COL25A1: variants seen among roughly 807,000 people sequenced by gnomAD.
COL25A1 encodes collagen alpha-1(XXV) chain.
Under a neutral mutation model 128.4 loss-of-function variants are expected in COL25A1, and 103 were observed. That is an observed-to-expected ratio of 0.80 (90% CI 0.68 to 0.94). The LOEUF (loss-of-function observed/expected upper bound fraction) is 0.94, where lower values mean the gene tolerates loss of function less well. COL25A1 is among the 40% of genes least tolerant of loss of function. COL25A1 has a pLI of 0.00. For missense variants in COL25A1, 745 were observed against 840.0 expected (o/e 0.89, Z 1.40); for synonymous variants, 279 against 277.2 (o/e 1.01, Z -0.06).
At chr4:109,245,369 T>C (rs1780189997) in intron 3 of COL25A1, among the ~76,000 whole-genome samples, 4 of 152,228 alleles carry the variant, frequency 2.6e-5, no homozygotes, top group Middle Eastern at 3.4e-3. Context: ...GAAGTTTATT[T>C]TGGAAGTCAA....
In COL25A1 at chr4:108,841,607, A is replaced by G. The variant is rs957324889; in HGVS notation, c.1656+88T>C. The G allele has an allele frequency of 5.6e-6, 6 of 1,078,394 alleles. No individual in the cohort carries two copies. In the Admixed American group the frequency reaches 1.2e-4, roughly 21 times the overall value. 66.8% of individuals were successfully genotyped at this position (1,078,394 alleles called of 1,614,324 possible). The stretch of plus-strand genomic sequence containing the variant: ...ATTATCAACATTACTTGACAAATAA[A>G]TAAGATAGGACAGACATGCTTCTGT... On this transcript the variant is annotated intron_variant, in intron 31 of 37. Transcript: ENST00000399132.
At chr4:109,054,937 G>A (rs1465906808) in intron 3 of COL25A1, among the ~76,000 whole-genome samples, 2 of 152,304 alleles carry the variant, frequency 1.3e-5, no homozygotes, top group Non-Finnish European at 2.9e-5. Context: ...TTGGGAGGGA[G>A]GAACCTGTCT....
intron 3 of COL25A1, among the ~76,000 whole-genome samples, chr4:109,188,632 G>A (rs1344898428): frequency 2.0e-5 from 3 of 152,162 alleles, no homozygotes; most frequent in Non-Finnish European, 4.4e-5. Context: ...GGGGACAACG[G>A]CAAGCCACTG....
chr4:108,831,513 C>T (rs1343759790), intron 32 of COL25A1, among the ~76,000 whole-genome samples: 1 of 152,164 alleles, frequency 6.6e-6, no homozygotes, highest in African/African-American at 2.4e-5. Flanking sequence ...CAAACTTGCA[C>T]AGTGAATCAT....
At chr4:108,915,702 C>T (rs754760197) in intron 13 of COL25A1, among the ~76,000 whole-genome samples, 3 of 152,062 alleles carry the variant, frequency 2.0e-5, no homozygotes, top group South Asian at 2.1e-4. Flanking sequence ...ATATTATTTG[C>T]CATATTTCTG....
chr4:109,163,102 TC>T (rs1772737772), intron 3 of COL25A1, among the ~76,000 whole-genome samples: 2 of 152,132 alleles, frequency 1.3e-5, no homozygotes, highest in South Asian at 4.1e-4. Context: ...TTGCTCCGTT[TC>T]CCCCTCACTT....
chr4:109,259,295 T>A (rs1415173512), intron 3 of COL25A1, among the ~76,000 whole-genome samples: 1 of 152,230 alleles, frequency 6.6e-6, no homozygotes, highest in Non-Finnish European at 1.5e-5. Context: ...AGATACTAAA[T>A]CCCATTTTTA....
intron 32 of COL25A1, among the ~76,000 whole-genome samples, chr4:108,831,154 G>A (rs767928603): frequency 2.3e-4 from 35 of 151,428 alleles, no homozygotes; most frequent in Admixed American, 1.7e-3. Context: ...AGGTCAGGAA[G>A]AATAGCTGTT....
intron 20 of COL25A1, among the ~76,000 whole-genome samples, chr4:108,864,243 C>G (rs1055152297): frequency 6.6e-6 from 1 of 152,182 alleles, no homozygotes; most frequent in African/African-American, 2.4e-5. Context: ...TAAAGGCCAT[C>G]ATTATACCTC....
chr4:109,020,696 A>G lies in COL25A1; in HGVS notation c.421-10321T>C, dbSNP rs562759410. 4.6e-5 allele frequency among the ~76,000 whole-genome samples: 7 copies of G among 152,178 alleles called. No individual in the cohort carries two copies. In the East Asian group the frequency reaches 1.3e-3, roughly 29 times the overall value. ...ATACCATATTTATTTTTTCTCTCTTATAACTAACATGTTCATATGTGGAAC... is the reference window on the plus strand; with the variant it reads ...ATACCATATTTATTTTTTCTCTCTTGTAACTAACATGTTCATATGTGGAAC... On this transcript the variant is annotated intron_variant, in intron 5 of 37. Transcript: ENST00000399132.
intron 3 of COL25A1, among the ~76,000 whole-genome samples, chr4:109,214,409 TCAC>T (rs1777822291): frequency 6.6e-6 from 1 of 152,200 alleles, no homozygotes; most frequent in Admixed American, 6.6e-5. Context: ...CTGGGAGTAG[TCAC>T]CAAGTCAATC....
chr4:109,008,745 ACATGCGCGCG>A lies in COL25A1; in HGVS notation c.438+1603_438+1612del, dbSNP rs990668204. Among the ~76,000 whole-genome samples, 10 of 41,938 alleles carry A rather than the reference ACATGCGCGCG, an allele frequency of 2.4e-4. No homozygotes were observed. In the African/African-American group the frequency reaches 4.4e-3, roughly 19 times the overall value. The allele number at this position is 41,938 out of a possible 152,430, so 27.5% of individuals were successfully genotyped here. On this transcript the variant is annotated intron_variant, in intron 6 of 37. Coordinates refer to ENST00000399132, the MANE Select transcript of COL25A1 (RefSeq NM_198721.4). ...TCTGTTTCTGTATGTTTATACACAT[ACATGCGCGCG>A]CACACACACACACACACACACGTAG... is the stretch of plus-strand genomic sequence containing the variant.
chr4:108,868,303 T>A (rs919366868), intron 20 of COL25A1, among the ~76,000 whole-genome samples: 1 of 152,120 alleles, frequency 6.6e-6, no homozygotes, highest in African/African-American at 2.4e-5. Flanking sequence ...AGATTAACTT[T>A]CCACTACTCA....
chr4:108,834,238 C>T, intron 31 of COL25A1: 2 of 1,079,834 alleles, frequency 1.9e-6, no homozygotes, highest in Non-Finnish European at 2.7e-6. Flanking sequence ...CCCTTTTACT[C>T]CAGCTCTAAG....
In COL25A1 at chr4:108,832,247, G is replaced by C. The variant is rs1022319787; in HGVS notation, c.1710+133C>G. The C allele has an allele frequency of 7.8e-6, 5 of 637,414 alleles. No individual in the cohort carries two copies. In the African/African-American group the frequency reaches 9.2e-5, roughly 12 times the overall value. 39.5% of individuals were successfully genotyped at this position (637,414 alleles called of 1,614,324 possible). A position where few individuals can be genotyped will look rare whatever the true frequency, so the allele number is the denominator to read the frequency against. On this transcript the variant is annotated intron_variant, in intron 32 of 37. Transcript: ENST00000399132. ...ATATTAGGACTCTGAATAGAACTTAGGATGGTATCTCTTTTTATTTAATAT... is the reference window on the plus strand; with the variant it reads ...ATATTAGGACTCTGAATAGAACTTACGATGGTATCTCTTTTTATTTAATAT...
rs528908861 is a variant in COL25A1 at position 109,071,616 on chromosome 4, C to G, written c.368-21437G>C. 7.9e-5 allele frequency among the ~76,000 whole-genome samples: 12 copies of G among 152,260 alleles called. No individual in the cohort carries two copies. In the East Asian group the frequency reaches 1.9e-3, roughly 25 times the overall value. On this transcript the variant is annotated intron_variant, in intron 3 of 37. Transcript: ENST00000399132. ...AAATTTACAAGAAAAAAACAAACAA[C>G]CCCATCAAAAAGTGGGCAAAGGTTA... is the stretch of plus-strand genomic sequence containing the variant.
At chr4:108,998,554 A>G (rs1407213365) in intron 6 of COL25A1, among the ~76,000 whole-genome samples, 2 of 152,222 alleles carry the variant, frequency 1.3e-5, no homozygotes, top group African/African-American at 4.8e-5. Context: ...GGTAATTTAT[A>G]GATTCAATGC....
intron 3 of COL25A1, among the ~76,000 whole-genome samples, chr4:109,173,262 A>C (rs1430024740): frequency 6.6e-6 from 1 of 152,074 alleles, no homozygotes; most frequent in Non-Finnish European, 1.5e-5. Flanking sequence ...ATTTAAAAAA[A>C]AAAATAGTAG....
chr4:109,105,597 A>G (rs1766354170), intron 3 of COL25A1, among the ~76,000 whole-genome samples: 1 of 152,204 alleles, frequency 6.6e-6, no homozygotes, highest in African/African-American at 2.4e-5. Context: ...GTTGGTGACA[A>G]TTTTATAATA....
Sources: allele counts gnomAD v4.1 joint callset (sites outside exome capture counted in the v4.1 genomes callset), GRCh38; gene constraint gnomAD v4.1.1; transcripts MANE v1.5; gene names NCBI Gene and HGNC (gene_info 2026-07-23, HGNC 2026-07-21).